COA1: variants seen among roughly 807,000 people sequenced by gnomAD.
COA1 encodes cytochrome c oxidase assembly factor 1.
Under a neutral mutation model 16.0 loss-of-function variants are expected in COA1, and 13 were observed. The observed-to-expected ratio is 0.81, with a 90% CI of 0.53 to 1.29. COA1 has a LOEUF of 1.29. Among genes scored for constraint, COA1 ranks in the 50% most tolerant of loss-of-function variants. COA1 has a pLI of 0.00. For missense variants in COA1, 179 were observed against 177.0 expected (o/e 1.01, Z -0.06); for synonymous variants, 65 against 65.7 (o/e 0.99, Z 0.05).
At chr7:43,668,849 T>C (rs2093058455) in intron 1 of COA1, among the ~76,000 whole-genome samples, 1 of 152,226 alleles carries the variant, frequency 6.6e-6, no homozygotes, top group South Asian at 2.1e-4. Flanking sequence ...AATTATCTAC[T>C]ATACCACACT....
intron 1 of COA1, among the ~76,000 whole-genome samples, chr7:43,671,646 G>A (rs1480241564): frequency 3.9e-5 from 6 of 152,114 alleles, no homozygotes; most frequent in African/African-American, 9.7e-5. Context: ...TTTCTACAAC[G>A]AGAAAAAATA....
chr7:43,675,612 A>T (rs2093479292), intron 1 of COA1, among the ~76,000 whole-genome samples: 1 of 152,160 alleles, frequency 6.6e-6, no homozygotes, highest in African/African-American at 2.4e-5. Flanking sequence ...ATAATAAAAT[A>T]AAAAAAGAGT....
At chr7:43,614,633 C>T (rs2083182090) in intron 6 of COA1, among the ~76,000 whole-genome samples, 1 of 152,116 alleles carries the variant, frequency 6.6e-6, no homozygotes, top group African/African-American at 2.4e-5. Flanking sequence ...TTGGTAAAGG[C>T]CACATAATAA....
At chr7:43,680,580 TA>T (rs887969256) in intron 1 of COA1, among the ~76,000 whole-genome samples, 17 of 152,318 alleles carry the variant, frequency 1.1e-4, no homozygotes, top group African/African-American at 4.1e-4. Context: ...CTCCAAAAAT[TA>T]TAAATGCTAC....
intron 1 of COA1, among the ~76,000 whole-genome samples, chr7:43,718,597 T>C (rs773888691): frequency 1.6e-4 from 25 of 152,242 alleles, no homozygotes; most frequent in Non-Finnish European, 2.2e-4. Flanking sequence ...CCAGAGATCA[T>C]CTGCTCTGAA....
chr7:43,690,446 T>C (rs1212655003), intron 1 of COA1, among the ~76,000 whole-genome samples: 3 of 151,920 alleles, frequency 2.0e-5, no homozygotes, highest in Non-Finnish European at 2.9e-5. Flanking sequence ...CACACACATA[T>C]ATACACACAC....
intron 1 of COA1, among the ~76,000 whole-genome samples, chr7:43,710,377 T>TATATATATATATATATAC (rs2095194896): frequency 1.1e-5 from 1 of 89,990 alleles, no homozygotes; most frequent in Non-Finnish European, 2.5e-5. Flanking sequence ...AAAAAAAAAA[T>TATATATATATATATATAC]ATATATATAT....
chr7:43,701,672 C>T (rs1213250932), intron 1 of COA1, among the ~76,000 whole-genome samples: 2 of 152,208 alleles, frequency 1.3e-5, no homozygotes, highest in African/African-American at 4.8e-5. Context: ...GTCACAACTG[C>T]TTTCCATAAT....
In COA1 at chr7:43,644,710, T is replaced by TTAGATAGATAGATAGATAGATAGA. The variant is rs764989171; in HGVS notation, c.264+517_264+540dup. Among the ~76,000 whole-genome samples, 60 of 56,942 alleles carry TTAGATAGATAGATAGATAGATAGA rather than the reference T, an allele frequency of 1.1e-3. 1 individual carries two copies. Among genetic ancestry groups the TTAGATAGATAGATAGATAGATAGA allele is most frequent in the South Asian group, 2.0e-3 (3 of 1,526 alleles). The allele number at this position is 56,942 out of a possible 152,430, so 37.4% of individuals were successfully genotyped here. A position where few individuals can be genotyped will look rare whatever the true frequency, so the allele number is the denominator to read the frequency against. On this transcript the variant is annotated intron_variant, in intron 4 of 5. Transcript: ENST00000223336. ...CCTGGCTAAATTATAGATAGATAGA[T>TTAGATAGATAGATAGATAGATAGA]TAGATAGATAGATAGATAGATAGAT...
chr7:43,620,412 C>T (rs887576421), intron 6 of COA1, among the ~76,000 whole-genome samples: 2 of 152,154 alleles, frequency 1.3e-5, no homozygotes, highest in African/African-American at 2.4e-5. Context: ...CAGTGGCTCA[C>T]GCCTGTAATC....
intron 6 of COA1, among the ~76,000 whole-genome samples, chr7:43,622,022 T>C (rs1455699183): frequency 6.6e-6 from 1 of 152,194 alleles, no homozygotes; most frequent in Non-Finnish European, 1.5e-5. Context: ...AAGGGGCTAG[T>C]AATAGTACCG....
At chr7:43,725,788 G>A (rs1475815680) in intron 1 of COA1, among the ~76,000 whole-genome samples, 1 of 151,918 alleles carries the variant, frequency 6.6e-6, no homozygotes, top group Non-Finnish European at 1.5e-5. Flanking sequence ...GAACCCAGGA[G>A]GCGGAGGTTG....
intron 1 of COA1, among the ~76,000 whole-genome samples, chr7:43,677,130 A>G (rs1218608227): frequency 6.6e-6 from 1 of 152,196 alleles, no homozygotes; most frequent in Non-Finnish European, 1.5e-5. Flanking sequence ...TCTTGTAAGC[A>G]TTTTCAGATT....
At chr7:43,653,011 T>G (rs1233984553) in intron 1 of COA1, among the ~76,000 whole-genome samples, 1 of 152,090 alleles carries the variant, frequency 6.6e-6, no homozygotes, top group Non-Finnish European at 1.5e-5. Context: ...AAATAAAGAT[T>G]AAAACTTTGG....
At chr7:43,618,239 G>A (rs1010091567) in intron 6 of COA1, among the ~76,000 whole-genome samples, 1 of 152,210 alleles carries the variant, frequency 6.6e-6, no homozygotes, top group Non-Finnish European at 1.5e-5. Context: ...GGAAGGAGCA[G>A]GGGAGGCCAG....
rs551881856 is a variant in COA1 at position 43,698,926 on chromosome 7, A to G, written c.-39+30503T>C. On this transcript the variant is annotated intron_variant, in intron 1 of 5. Coordinates refer to ENST00000223336, the MANE Select transcript of COA1 (RefSeq NM_018224.4). ...GATAAATCCATTCTGAAAAGTGAAC[A>G]TTTGAAAATCACAAGCCCTCACTGC... Among the ~76,000 whole-genome samples the G allele has an allele frequency of 2.3e-4, 35 of 152,320 alleles. No individual in the cohort carries two copies. In the South Asian group the frequency reaches 4.8e-3, roughly 21 times the overall value.
At chr7:43,619,522 A>G (rs762832144) in intron 6 of COA1, 10 of 1,525,184 alleles carry the variant, frequency 6.6e-6, no homozygotes, top group Non-Finnish European at 8.0e-6. Flanking sequence ...TAGGTGAAAT[A>G]TGTTTTATGG....
intron 1 of COA1, among the ~76,000 whole-genome samples, chr7:43,716,208 C>G (rs1419306283): frequency 6.6e-6 from 1 of 152,086 alleles, no homozygotes; most frequent in Non-Finnish European, 1.5e-5. Flanking sequence ...AAGTGAGTAA[C>G]AAGCAGAGGT....
chr7:43,635,841 C>CTGA (rs536874290), downstream of COA1, among the ~76,000 whole-genome samples: 180 of 152,200 alleles, frequency 1.2e-3, no homozygotes, highest in African/African-American at 4.2e-3. Flanking sequence ...TGCAAGGTGA[C>CTGA]TGATGTGGTA....
Sources: gnomAD v4.1 joint callset for allele counts (sites outside exome capture counted in the v4.1 genomes callset) on GRCh38, gnomAD v4.1.1 for gene constraint, MANE v1.5 for transcripts, NCBI Gene and HGNC (gene_info 2026-07-23, HGNC 2026-07-21) for gene names.